CHODL: variants seen among roughly 807,000 people sequenced by gnomAD.
The protein encoded by CHODL is chondrolectin.
Under a neutral mutation model 34.5 loss-of-function variants are expected in CHODL, and 29 were observed. The observed-to-expected ratio is 0.84, with a 90% CI of 0.63 to 1.15. CHODL has a LOEUF of 1.15. Ranked by LOEUF, CHODL falls within the 50% of genes most tolerant of loss-of-function variation. CHODL has a pLI of 0.00. For synonymous variants in CHODL, 125 were observed against 116.1 expected (o/e 1.08, Z -0.49); for missense variants, 332 against 332.5 (o/e 1.00, Z 0.01).
intron 2 of CHODL, among the ~76,000 whole-genome samples, chr21:18,083,372 G>A (rs1424351538): frequency 6.6e-6 from 1 of 152,222 alleles, no homozygotes; most frequent in African/African-American, 2.4e-5. Flanking sequence ...CCTCTGCTAG[G>A]GCAGTCTGGA....
chr21:18,110,810 A>G (rs1226269926), intron 2 of CHODL, among the ~76,000 whole-genome samples: 1 of 152,182 alleles, frequency 6.6e-6, no homozygotes, highest in Non-Finnish European at 1.5e-5. Context: ...AGTGTGCTCA[A>G]GATTCTCCCT....
intron 1 of CHODL, among the ~76,000 whole-genome samples, chr21:17,995,370 C>A (rs1218673906): frequency 2.0e-5 from 3 of 152,140 alleles, no homozygotes; most frequent in Non-Finnish European, 2.9e-5. Flanking sequence ...ACTGCTGGGG[C>A]CTTTTTGCTT....
chr21:18,140,711 T>A (rs1174886923), intron 2 of CHODL, among the ~76,000 whole-genome samples: 2 of 152,174 alleles, frequency 1.3e-5, no homozygotes, highest in Non-Finnish European at 2.9e-5. Flanking sequence ...TTTAATAATG[T>A]GGAAAGTTGA....
chr21:18,176,243 G>A (rs2073310055), intron 2 of CHODL, among the ~76,000 whole-genome samples: 3 of 152,114 alleles, frequency 2.0e-5, no homozygotes, highest in African/African-American at 7.2e-5. Context: ...AGCTTAATGA[G>A]ATTAAGAAAA....
chr21:18,003,891 A>T (rs932566003), intron 1 of CHODL, among the ~76,000 whole-genome samples: 1 of 152,194 alleles, frequency 6.6e-6, no homozygotes, highest in Non-Finnish European at 1.5e-5. Context: ...GCAGAATCAC[A>T]TCTAGGTTTG....
At chr21:18,263,035 T>A (rs1448858051) in intron 5 of CHODL, 142 bp downstream of exon 5, 6 of 578,972 alleles carry the variant, frequency 1.0e-5, no homozygotes, top group Admixed American at 5.9e-5. Context: ...AGATATACAT[T>A]GAGGATAGAA....
At chr21:18,133,280 T>C (rs2072679851) in intron 2 of CHODL, among the ~76,000 whole-genome samples, 1 of 152,168 alleles carries the variant, frequency 6.6e-6, no homozygotes, top group Non-Finnish European at 1.5e-5. Context: ...TTGTCTCTTT[T>C]CTATGCCTGC....
chr21:18,011,313 A>C (rs1374529863), intron 1 of CHODL, among the ~76,000 whole-genome samples: 2 of 152,204 alleles, frequency 1.3e-5, no homozygotes, highest in Non-Finnish European at 2.9e-5. Flanking sequence ...ATAAGTACAC[A>C]TAAATAGTTT....
At chr21:18,013,295 AT>A (rs11354463) in intron 1 of CHODL, among the ~76,000 whole-genome samples, 61,711 of 150,448 alleles carry the variant, frequency 0.41, 15,385 homozygotes, top group African/African-American at 0.71. Flanking sequence ...AAATAAGACA[AT>A]TTTTTTTTTC....
intron 2 of CHODL, among the ~76,000 whole-genome samples, chr21:18,056,535 T>C (rs1259418420): frequency 1.3e-5 from 2 of 151,612 alleles, no homozygotes; most frequent in Non-Finnish European, 2.9e-5. Flanking sequence ...CAAAAACTTC[T>C]GTTCTTCAAT....
chr21:18,145,115 G>A (rs1601065002), intron 2 of CHODL, among the ~76,000 whole-genome samples: 1 of 150,692 alleles, frequency 6.6e-6, no homozygotes, highest in South Asian at 2.1e-4. Flanking sequence ...CAGTAAAGCA[G>A]AACACTTCAA....
chr21:18,239,544 A>G (rs1194068589), intron 2 of CHODL, among the ~76,000 whole-genome samples: 1 of 152,054 alleles, frequency 6.6e-6, no homozygotes, highest in Non-Finnish European at 1.5e-5. Flanking sequence ...GTCATTTGAT[A>G]TATTTGGAGA....
intron 2 of CHODL, among the ~76,000 whole-genome samples, chr21:18,119,090 G>A (rs1465685827): frequency 6.6e-6 from 1 of 152,114 alleles, no homozygotes; most frequent in Non-Finnish European, 1.5e-5. Context: ...GGTGTAATTT[G>A]CATATGATAA....
intron 2 of CHODL, among the ~76,000 whole-genome samples, chr21:18,238,081 A>G (rs1006867246): frequency 6.6e-6 from 1 of 152,130 alleles, no homozygotes; most frequent in Non-Finnish European, 1.5e-5. Flanking sequence ...ACAGAAAGAC[A>G]GTATCTTCAC....
At chr21:17,948,879 G>T (rs1053486860) in intron 1 of CHODL, among the ~76,000 whole-genome samples, 4 of 152,102 alleles carry the variant, frequency 2.6e-5, no homozygotes, top group Admixed American at 6.6e-5. Context: ...AAATCGAAGA[G>T]GTAGAAGTTC....
intron 2 of CHODL, among the ~76,000 whole-genome samples, chr21:18,120,508 T>C (rs2065466950): frequency 6.6e-6 from 1 of 152,174 alleles, no homozygotes; most frequent in African/African-American, 2.4e-5. Flanking sequence ...CCTTTCCCTT[T>C]TCAGCTTAAT....
intron 2 of CHODL, among the ~76,000 whole-genome samples, chr21:18,063,507 G>T (rs2064694008): frequency 6.6e-6 from 1 of 152,130 alleles, no homozygotes; most frequent in African/African-American, 2.4e-5. Flanking sequence ...GAGAAAATCG[G>T]TCATGTGCCC....
intron 2 of CHODL, among the ~76,000 whole-genome samples, chr21:18,101,051 G>C (rs146716920): frequency 1.3e-5 from 2 of 152,082 alleles, no homozygotes; most frequent in African/African-American, 4.8e-5. Flanking sequence ...TCATCTTGTA[G>C]CTCAATGATT....
intron 2 of CHODL, among the ~76,000 whole-genome samples, chr21:18,085,648 G>T (rs1261038080): frequency 6.6e-6 from 1 of 152,132 alleles, no homozygotes; most frequent in Non-Finnish European, 1.5e-5. Flanking sequence ...TTGGTGGACA[G>T]TTTTTACTTC....
Sources: allele counts gnomAD v4.1 joint callset (sites outside exome capture counted in the v4.1 genomes callset), GRCh38; gene constraint gnomAD v4.1.1; transcripts MANE v1.5; gene names NCBI Gene and HGNC (gene_info 2026-07-23, HGNC 2026-07-21).